Variants in NCF2 observed in about 807,000 individuals in gnomAD.
NCF2 encodes the protein neutrophil cytosol factor 2.
Under a neutral mutation model 70.9 loss-of-function variants are expected in NCF2, and 45 were observed. The ratio of observed to expected loss-of-function variants is 0.63; its 90% CI spans 0.50 to 0.81. NCF2 has a LOEUF of 0.81. Ranked by LOEUF, NCF2 falls within the 40% of genes least tolerant of loss-of-function variation. NCF2 has a pLI of 0.00. For synonymous variants in NCF2, 203 were observed against 233.6 expected, an observed-to-expected ratio of 0.87 and a Z score of 1.19; for missense variants, 522 against 631.6, an observed-to-expected ratio of 0.83 and a Z score of 1.86.
chr1:183,576,821 G>A (rs1672820259), intron 3 of NCF2, among the ~76,000 whole-genome samples: 1 of 152,092 alleles, frequency 6.6e-6, no homozygotes, highest in Non-Finnish European at 1.5e-5. Flanking sequence ...CTAAAGCAAG[G>A]GGACTTTTGT....
chr1:183,570,763 G>T lies in NCF2; in HGVS notation c.669+17C>A, dbSNP rs1373308818. ...TCTCGAGACCTAGGTCCATGGAGAA[G>T]GTCAGGACTGCCTTACCTGTGGTTG... On this transcript the variant is annotated intron_variant, in intron 6 of 14. Coordinates refer to ENST00000367535, the MANE Select transcript of NCF2 (RefSeq NM_000433.4). 1 of 1,613,530 alleles carries T rather than the reference G, an allele frequency of 6.2e-7. No homozygotes were observed. Among genetic ancestry groups the T allele is most frequent in the Admixed American group, 1.7e-5 (1 of 60,026 alleles).
chr1:183,590,106 CATA>C, intron 1 of NCF2, 47 bp downstream of exon 1: 2 of 1,612,354 alleles, frequency 1.2e-6, no homozygotes, highest in Admixed American at 3.3e-5. Flanking sequence ...GGTTGAGAAT[CATA>C]ATAACAAATG....
At chr1:183,591,629 C>G (rs1455504826), upstream of NCF2, among the ~76,000 whole-genome samples, 4 of 151,954 alleles carry the variant, frequency 2.6e-5, no homozygotes, top group African/African-American at 9.7e-5. Flanking sequence ...ATTACAGAAG[C>G]CTGCCACCAC....
rs763388019 is a variant in NCF2, at chr1:183,573,199, G to T, written c.595C>A (p.Leu199Ile). 6.2e-7 allele frequency: 1 copy of T among 1,614,122 alleles called. No individual in the cohort carries two copies. Residue 199 changes from leucine to isoleucine, a missense_variant, in exon 5 of 15, where the codon CTA (leucine) becomes ATA (isoleucine). Physicochemically the swap from Leu to Ile is conservative, Grantham distance 5. Transcript: ENST00000367535. Reference protein sequence around the residue: ...QVAQLAKKDYLGKATVVASVV... With the variant: ...QVAQLAKKDYIGKATVVASVV... Reference sequence around the variant, plus strand: ...ATCCCACCTACCGTCGCCTTGCCTAGGTAATCCTTCTTGGCCAGCTGAGCC... The same window carrying T: ...ATCCCACCTACCGTCGCCTTGCCTATGTAATCCTTCTTGGCCAGCTGAGCC...
chr1:183,583,579 C>A (rs764390490), intron 2 of NCF2, among the ~76,000 whole-genome samples: 1 of 152,180 alleles, frequency 6.6e-6, no homozygotes, highest in Non-Finnish European at 1.5e-5. Context: ...AACTACTATG[C>A]TAGATACTGA....
In NCF2 at chr1:183,570,846, T is replaced by C. The variant is rs1277564303; in HGVS notation, c.610-7A>G. 1 of 1,613,938 alleles carries C rather than the reference T, an allele frequency of 6.2e-7. No individual in the cohort carries two copies. The highest frequency in any genetic ancestry group is 2.2e-5 in the East Asian group (1 of 44,894). On this transcript the variant is annotated splice_polypyrimidine_tract_variant and splice_region_variant and intron_variant, in intron 5 of 14. Coordinates refer to ENST00000367535, the MANE Select transcript of NCF2 (RefSeq NM_000433.4). ...CCACCACAGATGCCACGACCTAAAA[T>C]CAAGGACAGGAGGGTGTGAGGCTCT... is the stretch of plus-strand genomic sequence containing the variant.
At chr1:183,566,750 C>T (rs1258132369) in intron 9 of NCF2, among the ~76,000 whole-genome samples, 170 bp downstream of exon 9, 1 of 152,228 alleles carries the variant, frequency 6.6e-6, no homozygotes, top group Non-Finnish European at 1.5e-5. Context: ...TTTTTCCCCT[C>T]ATTCCCAGGT....
chr1:183,561,036 G>A (rs1159651290), intron 13 of NCF2, among the ~76,000 whole-genome samples: 1 of 152,166 alleles, frequency 6.6e-6, no homozygotes, highest in African/African-American at 2.4e-5. Context: ...AAGTCCTCTA[G>A]GGAATTCTGA....
chr1:183,601,348 T>C, the NCF2 span, among the ~76,000 whole-genome samples: 5 of 152,242 alleles, frequency 3.3e-5, no homozygotes, highest in Non-Finnish European at 5.9e-5. Context: ...CAATACAGTG[T>C]CTCCAATTGT....
intron 9 of NCF2, among the ~76,000 whole-genome samples, chr1:183,566,253 GAGTCACTTAC>G (rs1315163244): frequency 6.6e-6 from 1 of 152,206 alleles, no homozygotes; most frequent in Non-Finnish European, 1.5e-5. Context: ...CACTGCCATT[GAGTCACTTAC>G]AGGGATGCTC....
At chr1:183,599,455 T>TTTCTTTCTTTCC in the NCF2 span, among the ~76,000 whole-genome samples, 2 of 132,186 alleles carry the variant, frequency 1.5e-5, no homozygotes, top group Non-Finnish European at 3.3e-5. Flanking sequence ...TCTTTCTTTC[T>TTTCTTTCTTTCC]TTCTTTCTTT....
Position 183,566,915 on chromosome 1 carries a change from A to G in NCF2, c.924+5T>C. On this transcript the variant is annotated splice_donor_5th_base_variant and intron_variant, in intron 9 of 14. Coordinates refer to ENST00000367535, the MANE Select transcript of NCF2 (RefSeq NM_000433.4). ...GAAATGGGTCAGGCCTTGGCATCAC[A>G]TTACCTGGGGCTGCTGCTGAGGGTG... is the stretch of plus-strand genomic sequence containing the variant. The G allele has an allele frequency of 1.2e-6, 2 of 1,613,862 alleles. No homozygotes were observed. The highest frequency in any genetic ancestry group is 1.7e-6 in the Non-Finnish European group (2 of 1,180,034).
chr1:183,584,066 G>T (rs1673230506), intron 2 of NCF2, among the ~76,000 whole-genome samples: 1 of 152,132 alleles, frequency 6.6e-6, no homozygotes, highest in Admixed American at 6.5e-5. Context: ...ACCTGATGAG[G>T]TTTAGGGAAA....
chr1:183,570,684 C>T, intron 6 of NCF2, 96 bp downstream of exon 6: 1 of 1,320,204 alleles, frequency 7.6e-7, no homozygotes, highest in Non-Finnish European at 1.1e-6. Flanking sequence ...GGAGCCCTTA[C>T]AATCAGGCAA....
chr1:183,587,089 C>A, intron 1 of NCF2, 112 bp from the exon 2 acceptor site: 1 of 1,022,350 alleles, frequency 9.8e-7, no homozygotes, highest in South Asian at 1.3e-5. Flanking sequence ...CTGCTGTCTG[C>A]CCTCGTCGGC....
rs1387312103 is a variant in NCF2, at chr1:183,563,672, CAG to C, written c.1027-89_1027-88del. On this transcript the variant is annotated intron_variant, in intron 11 of 14. Transcript: ENST00000367535. ...ATCACCGCAGTTTCGTGATTTGGCA[CAG>C]GGGGTACCCAATACAGCAGGGGAGA... 22 of 1,536,056 alleles carry C rather than the reference CAG, an allele frequency of 1.4e-5. No homozygotes were observed. The East Asian group carries it at 2.7e-4, about 19-fold the overall frequency.
chr1:183,597,187 T>C, the NCF2 span, among the ~76,000 whole-genome samples: 1 of 152,232 alleles, frequency 6.6e-6, no homozygotes, highest in Non-Finnish European at 1.5e-5. Context: ...GCATTTTTCG[T>C]CTAGAGTACC....
intron 5 of NCF2, among the ~76,000 whole-genome samples, 186 bp from the exon 6 acceptor site, chr1:183,571,025 C>A (rs1672530750): frequency 6.6e-6 from 1 of 152,056 alleles, no homozygotes; most frequent in South Asian, 2.1e-4. Flanking sequence ...CGAGCATTCA[C>A]CCCACCCCTG....
chr1:183,599,433 T>TCTTTCTTTCTTTCTTTCTTTC, the NCF2 span, among the ~76,000 whole-genome samples: 110 of 92,394 alleles, frequency 1.2e-3, no homozygotes, highest in African/African-American at 2.2e-3. Flanking sequence ...CTTCTTTCTT[T>TCTTTCTTTCTTTCTTTCTTTC]CTTTCTTTCT....
Sources: gnomAD v4.1 joint callset for allele counts (sites outside exome capture counted in the v4.1 genomes callset) on GRCh38, gnomAD v4.1.1 for gene constraint, MANE v1.5 for transcripts, NCBI Gene and HGNC (gene_info 2026-07-23, HGNC 2026-07-21) for gene names.